Variants in ETS1 observed in about 807,000 individuals in gnomAD.
The protein encoded by ETS1 is ETS proto-oncogene 1, transcription factor, also known as protein C-ets-1.
ETS1 carries 15 observed loss-of-function variants against 58.6 expected under a neutral mutation model. That is an observed-to-expected ratio of 0.26 (90% CI 0.17 to 0.39). The LOEUF (loss-of-function observed/expected upper bound fraction) is 0.39. ETS1 is among the 10% of genes least tolerant of loss of function. ETS1 has a pLI of 1.00. For missense variants in ETS1, 417 were observed against 610.5 expected (o/e 0.68, Z 3.34); for synonymous variants, 214 against 218.2 (o/e 0.98, Z 0.17).
At chr11:128,521,859 A>G in intron 3 of ETS1, 2 of 1,469,320 alleles carry the variant, frequency 1.4e-6, no homozygotes, top group African/African-American at 1.4e-5. Context: ...AGTCCAGGGG[A>G]CCCCCGGCCT....
At chr11:128,543,566 C>T (rs973979348) in intron 3 of ETS1, among the ~76,000 whole-genome samples, 6 of 152,168 alleles carry the variant, frequency 3.9e-5, no homozygotes, top group Non-Finnish European at 8.8e-5. Flanking sequence ...ATCAGCATGC[C>T]CAGCTCATGC....
rs1408765037 is a variant in ETS1, at chr11:128,460,527, C to T, written c.*1834G>A. ...AGAAGCTTACCTGAAATATTTCTTT[C>T]CTTCTCTCATGGAAGTCCATAAAAG... On this transcript the variant is annotated 3_prime_UTR_variant, in exon 10 of 10. Coordinates refer to ENST00000392668, the MANE Select transcript of ETS1 (RefSeq NM_001143820.2). 6.6e-6 allele frequency: 1 copy of T among 152,334 alleles called. No homozygotes were observed. Among genetic ancestry groups the T allele is most frequent in the African/African-American group, 2.4e-5 (1 of 41,444 alleles). 9.4% of individuals were successfully genotyped at this position (152,334 alleles called of 1,614,324 possible). A position where few individuals can be genotyped will look rare whatever the true frequency, so the allele number is the denominator to read the frequency against.
intron 8 of ETS1, among the ~76,000 whole-genome samples, chr11:128,475,444 T>A (rs756617963): frequency 6.6e-6 from 1 of 152,248 alleles, no homozygotes. Context: ...GCCCTGGGAC[T>A]TTCTTATTGT....
At chr11:128,529,191 T>C (rs1863854900) in intron 3 of ETS1, 2 of 152,230 alleles carry the variant, frequency 1.3e-5, no homozygotes, top group Admixed American at 1.3e-4. Context: ...GTTACATGCT[T>C]TATGGTGAGC....
intron 2 of ETS1, among the ~76,000 whole-genome samples, chr11:128,566,030 T>C (rs1005760582): frequency 1.3e-5 from 2 of 152,190 alleles, no homozygotes; most frequent in African/African-American, 2.4e-5. Context: ...CCAATTAAAC[T>C]GCAATTACTC....
intron 3 of ETS1, chr11:128,529,064 T>C (rs1038092946): frequency 2.0e-5 from 3 of 152,264 alleles, no homozygotes; most frequent in African/African-American, 7.2e-5. Context: ...TTGAATCTTT[T>C]ATTTCACTGG....
At chr11:128,473,042 A>G (rs1862228734) in intron 8 of ETS1, among the ~76,000 whole-genome samples, 1 of 152,188 alleles carries the variant, frequency 6.6e-6, no homozygotes, top group African/African-American at 2.4e-5. Flanking sequence ...AGAAAAAAAA[A>G]AGTCTCGATT....
At chr11:128,578,478 T>C (rs1404362737) in intron 1 of ETS1, among the ~76,000 whole-genome samples, 1 of 152,204 alleles carries the variant, frequency 6.6e-6, no homozygotes, top group Non-Finnish European at 1.5e-5. Context: ...TTTAATTTTT[T>C]TCTTTTGAAA....
In ETS1 at chr11:128,525,518, T is replaced by C. The variant is rs1002410156; in HGVS notation, c.214+30773A>G. 2.0e-5 allele frequency among the ~76,000 whole-genome samples: 3 copies of C among 151,770 alleles called. 1 individual carries two copies. The highest frequency in any genetic ancestry group is 2.0e-4 in the Admixed American group (3 of 15,252). ...TCTGAGTTTTGAGCTAAAATATGCT[T>C]TACTGAAGGTAGGTACAAAAACATT... On this transcript the variant is annotated intron_variant, in intron 3 of 9. Coordinates refer to ENST00000392668, the MANE Select transcript of ETS1 (RefSeq NM_001143820.2).
chr11:128,526,543 G>A (rs1863805051), intron 3 of ETS1: 2 of 224,134 alleles, frequency 8.9e-6, no homozygotes, highest in Admixed American at 1.1e-4. Flanking sequence ...CCATCTCTTT[G>A]CAGAATAGCT....
At chr11:128,556,204 G>T in intron 3 of ETS1, 87 bp downstream of exon 3, 2 of 1,152,430 alleles carry the variant, frequency 1.7e-6, no homozygotes, top group Non-Finnish European at 2.5e-6. Context: ...AGCCATGGCA[G>T]CTGTTATTTG....
intron 2 of ETS1, among the ~76,000 whole-genome samples, chr11:128,558,649 C>CAAAAAAAAAAAA (rs201114905): frequency 9.7e-6 from 1 of 103,442 alleles, no homozygotes; most frequent in Non-Finnish European, 2.0e-5. Context: ...ATATCCATCC[C>CAAAAAAAAAAAA]AAAAAAAAAA....
At chr11:128,517,294 T>C (rs1220944890) in intron 3 of ETS1, among the ~76,000 whole-genome samples, 2 of 152,248 alleles carry the variant, frequency 1.3e-5, no homozygotes, top group African/African-American at 2.4e-5. Flanking sequence ...TGTGTTCTAA[T>C]TTCCAGAGTT....
intron 3 of ETS1, among the ~76,000 whole-genome samples, chr11:128,516,903 A>G (rs1332476816): frequency 6.6e-6 from 1 of 152,174 alleles, no homozygotes; most frequent in Non-Finnish European, 1.5e-5. Context: ...GCACAGCAAC[A>G]TCAGTGATGA....
At position 128,462,231 on chromosome 11, in the gene ETS1, T is replaced by C. The variant is rs1861922108; in HGVS notation, c.*130A>G. ...TGATTACAGCTGCAACTGACTTAGC[T>C]CCCACCCCTGAAGGTAAAAAATGAG... On this transcript the variant is annotated 3_prime_UTR_variant, in exon 10 of 10. Transcript: ENST00000392668. The C allele has an allele frequency of 1.4e-6, 1 of 706,640 alleles. No homozygotes were observed. The allele number at this position is 706,640 out of a possible 1,614,324, so 43.8% of individuals were successfully genotyped here.
rs567572663 is a variant in ETS1, at chr11:128,461,157, G to A, written c.*1204C>T. On this transcript the variant is annotated 3_prime_UTR_variant, in exon 10 of 10. Transcript: ENST00000392668. ...TGAATAACAGAGTTGGCGGTGAGGG[G>A]GTGCAAAAAATGGAGGACTCTTGGA... 1 of 152,448 alleles carries A rather than the reference G, an allele frequency of 6.6e-6. No homozygotes were observed. The highest frequency in any genetic ancestry group is 1.5e-5 in the Non-Finnish European group (1 of 67,934). The allele number at this position is 152,448 out of a possible 1,614,324, so 9.4% of individuals were successfully genotyped here.
At chr11:128,576,456 C>T (rs557573592) in intron 1 of ETS1, among the ~76,000 whole-genome samples, 35 of 86,882 alleles carry the variant, frequency 4.0e-4, no homozygotes, top group African/African-American at 1.8e-3. Context: ...GCATTGCACA[C>T]GTTTATTGCA....
At chr11:128,520,808 T>C (rs907662077) in intron 3 of ETS1, among the ~76,000 whole-genome samples, 4 of 152,220 alleles carry the variant, frequency 2.6e-5, no homozygotes, top group African/African-American at 9.7e-5. Context: ...TGCTGAAAGT[T>C]TAAGCAGCGT....
chr11:128,463,734 C>A lies in ETS1; in HGVS notation c.1124-107G>T. On this transcript the variant is annotated intron_variant, in intron 8 of 9. Transcript: ENST00000392668. This position sits in a 1 kb window ranked among gnomAD's most constrained non-coding sequence, Gnocchi z 4.1. ...ATCCCTCTTCTCTCAGCCCATCCAG[C>A]CAGGAGAAAATGAAGGCAACAGACA... 2 of 706,864 alleles carry A rather than the reference C, an allele frequency of 2.8e-6. No individual in the cohort carries two copies. Among genetic ancestry groups the A allele is most frequent in the Non-Finnish European group, 5.2e-6 (2 of 386,666 alleles). The allele number at this position is 706,864 out of a possible 1,614,324, so 43.8% of individuals were successfully genotyped here.
Sources: allele counts gnomAD v4.1 joint callset (sites outside exome capture counted in the v4.1 genomes callset), GRCh38; gene constraint gnomAD v4.1.1; non-coding constraint Gnocchi (gnomAD v3.1); transcripts MANE v1.5; gene names NCBI Gene and HGNC (gene_info 2026-07-23, HGNC 2026-07-21).